Variants in TTPA observed in about 807,000 individuals in gnomAD.
The protein encoded by TTPA is alpha-tocopherol transfer protein.
In TTPA, 23 loss-of-function variants were observed where a neutral mutation model predicts 25.9. The ratio of observed to expected loss-of-function variants is 0.89; its 90% CI spans 0.64 to 1.26. The LOEUF (loss-of-function observed/expected upper bound fraction) is 1.26, where lower values mean the gene tolerates loss of function less well. TTPA is among the 50% of genes most tolerant of loss of function. The pLI is 0.00. For missense variants in TTPA, 337 were observed against 353.1 expected, an observed-to-expected ratio of 0.95 and a Z score of 0.37; for synonymous variants, 148 against 137.3, an observed-to-expected ratio of 1.08 and a Z score of -0.54.
rs1434449274 is a variant in TTPA, at chr8:63,059,754, T to G, written c.*1498A>C. On this transcript the variant is annotated 3_prime_UTR_variant, in exon 5 of 5. Transcript: ENST00000260116. ...ATATTATAAACTGCAGTAGAAACAG[T>G]ACATCTTTACCGGTTATTTATTTAT... 6.6e-6 allele frequency: 1 copy of G among 152,140 alleles called. No homozygotes were observed. The highest frequency in any genetic ancestry group is 1.5e-5 in the Non-Finnish European group (1 of 68,012). 9.4% of individuals were successfully genotyped at this position (152,140 alleles called of 1,614,324 possible). A position where few individuals can be genotyped will look rare whatever the true frequency, so the allele number is the denominator to read the frequency against.
chr8:63,081,519 AC>A (rs1805663407), intron 1 of TTPA, among the ~76,000 whole-genome samples: 1 of 152,212 alleles, frequency 6.6e-6, no homozygotes, highest in Non-Finnish European at 1.5e-5. Flanking sequence ...TTTATGACAG[AC>A]CCACAGTCAG....
Position 63,066,246 on chromosome 8 carries a change from G to A in TTPA, c.359-149C>T, listed in dbSNP as rs758413130. 257 of 840,268 alleles carry A rather than the reference G, an allele frequency of 3.1e-4. 7 individuals are homozygous for A. The highest frequency in any genetic ancestry group is 2.1e-3 in the South Asian group (127 of 60,054). The allele number at this position is 840,268 out of a possible 1,614,324, so 52.1% of individuals were successfully genotyped here. Reference sequence around the variant, plus strand: ...GAATTGATTAATAAATCCAACTGGCGTCCAAGAACATGTGCCTGCTTCTCC... The same window carrying A: ...GAATTGATTAATAAATCCAACTGGCATCCAAGAACATGTGCCTGCTTCTCC... On this transcript the variant is annotated intron_variant, in intron 2 of 4. Transcript: ENST00000260116.
At chr8:63,077,810 T>C (rs1454375208) in intron 1 of TTPA, among the ~76,000 whole-genome samples, 1 of 152,172 alleles carries the variant, frequency 6.6e-6, no homozygotes, top group Non-Finnish European at 1.5e-5. Flanking sequence ...AGCACAGTGG[T>C]TCTCCCAGCA....
At chr8:63,081,985 T>C (rs571675299) in intron 1 of TTPA, among the ~76,000 whole-genome samples, 1 of 152,050 alleles carries the variant, frequency 6.6e-6, no homozygotes, top group South Asian at 2.1e-4. Context: ...CTCAACAAAA[T>C]AAAAGAGGAC....
chr8:63,059,383 A>C (rs1805263951), downstream of TTPA, among the ~76,000 whole-genome samples: 1 of 152,180 alleles, frequency 6.6e-6, no homozygotes, highest in Non-Finnish European at 1.5e-5. Context: ...TCCCAATACT[A>C]AGTCAAAATC....
intron 1 of TTPA, among the ~76,000 whole-genome samples, chr8:63,080,712 T>A (rs1161730133): frequency 1.5e-5 from 2 of 130,710 alleles, no homozygotes; most frequent in African/African-American, 3.0e-5. Flanking sequence ...AGAGCGAGAC[T>A]CCGTATCAAA....
intron 2 of TTPA, among the ~76,000 whole-genome samples, chr8:63,066,909 A>G (rs879643517): frequency 1.6e-4 from 25 of 152,282 alleles, no homozygotes; most frequent in Admixed American, 5.2e-4. Flanking sequence ...GAGACACTAA[A>G]AAACATAATA....
At chr8:63,059,122 C>T (rs1375809369), downstream of TTPA, among the ~76,000 whole-genome samples, 1 of 144,836 alleles carries the variant, frequency 6.9e-6, no homozygotes, top group African/African-American at 2.5e-5. Context: ...AGCTCCGCCT[C>T]CCGGGTTCAC....
intron 4 of TTPA, among the ~76,000 whole-genome samples, chr8:63,062,159 C>T (rs1235126689): frequency 6.7e-6 from 1 of 149,026 alleles, no homozygotes; most frequent in East Asian, 2.0e-4. Context: ...CGTGCCACTG[C>T]ACAAAGTGAG....
intron 1 of TTPA, among the ~76,000 whole-genome samples, chr8:63,076,272 T>C (rs1425530772): frequency 2.6e-5 from 4 of 152,148 alleles, no homozygotes; most frequent in Non-Finnish European, 5.9e-5. Flanking sequence ...AATAAAACCT[T>C]ATTAATTCAT....
intron 1 of TTPA, among the ~76,000 whole-genome samples, chr8:63,083,778 T>C (rs79515690): frequency 0.017 from 2,585 of 152,210 alleles, 74 homozygotes; most frequent in African/African-American, 0.059. Context: ...TATATCTCTT[T>C]TAGCAGGTTT....
intron 1 of TTPA, among the ~76,000 whole-genome samples, chr8:63,076,673 T>A (rs1404855819): frequency 6.6e-6 from 1 of 152,210 alleles, no homozygotes; most frequent in East Asian, 1.9e-4. Flanking sequence ...TTACTTTTTT[T>A]AAAGCAGCTA....
chr8:63,078,118 A>T (rs1251363088), intron 1 of TTPA, among the ~76,000 whole-genome samples: 3 of 137,376 alleles, frequency 2.2e-5, no homozygotes, highest in Non-Finnish European at 4.7e-5. Flanking sequence ...GAAAACTAAC[A>T]AACAGACAGG....
intron 1 of TTPA, among the ~76,000 whole-genome samples, chr8:63,075,717 A>AAG (rs1554524232): frequency 4.1e-5 from 6 of 147,142 alleles, no homozygotes; most frequent in Non-Finnish European, 3.0e-5. Flanking sequence ...AAAAAAAAAA[A>AAG]AAAAGTAAAG....
chr8:63,080,274 A>G (rs1805638939), intron 1 of TTPA, among the ~76,000 whole-genome samples: 1 of 152,232 alleles, frequency 6.6e-6, no homozygotes, highest in African/African-American at 2.4e-5. Context: ...GAGAAGCAAG[A>G]GCAAACAAAT....
At chr8:63,076,767 C>T (rs189312201) in intron 1 of TTPA, among the ~76,000 whole-genome samples, 177 of 152,190 alleles carry the variant, frequency 1.2e-3, no homozygotes, top group African/African-American at 3.8e-3. Flanking sequence ...AAGCTTCATT[C>T]TTCATAGGAC....
intron 3 of TTPA, 37 bp downstream of exon 3, chr8:63,065,867 G>A (rs1362244902): frequency 6.3e-7 from 1 of 1,592,412 alleles, no homozygotes. Flanking sequence ...ACTATAATTT[G>A]GAAGTATTAT....
intron 2 of TTPA, among the ~76,000 whole-genome samples, chr8:63,072,575 T>A (rs1805499434): frequency 6.6e-6 from 1 of 152,226 alleles, no homozygotes; most frequent in South Asian, 2.1e-4. Flanking sequence ...TAAGCATTTT[T>A]GAAACACTTT....
At chr8:63,062,940 T>C (rs1805330684) in intron 4 of TTPA, among the ~76,000 whole-genome samples, 3 of 152,176 alleles carry the variant, frequency 2.0e-5, no homozygotes, top group African/African-American at 7.2e-5. Context: ...GAAAAGTAGC[T>C]GAAAGTGGCC....
Sources: gnomAD v4.1 joint callset for allele counts (sites outside exome capture counted in the v4.1 genomes callset) on GRCh38, gnomAD v4.1.1 for gene constraint, MANE v1.5 for transcripts, NCBI Gene and HGNC (gene_info 2026-07-23, HGNC 2026-07-21) for gene names.